TCERG1: variants seen among roughly 807,000 people sequenced by gnomAD.
TCERG1 encodes the protein transcription elongation regulator 1.
In TCERG1, 37 loss-of-function variants were observed where a neutral mutation model predicts 144.7. That is an observed-to-expected ratio of 0.26 (90% CI 0.20 to 0.34). The LOEUF is 0.34. TCERG1 is among the 10% of genes least tolerant of loss of function. The pLI is 1.00. For synonymous variants in TCERG1, 492 were observed against 458.2 expected, an observed-to-expected ratio of 1.07 and a Z score of -0.94; for missense variants, 1,027 against 1,380.7, an observed-to-expected ratio of 0.74 and a Z score of 4.06.
intron 12 of TCERG1, among the ~76,000 whole-genome samples, chr5:146,480,845 AAAAGATATG>A (rs1196523109): frequency 6.6e-6 from 1 of 152,146 alleles, no homozygotes; most frequent in African/African-American, 2.4e-5. Context: ...GCAACAACAT[AAAAGATATG>A]AAAGAATCAC....
At chr5:146,452,670 A>G (rs988930752) in intron 1 of TCERG1, among the ~76,000 whole-genome samples, 2 of 152,046 alleles carry the variant, frequency 1.3e-5, no homozygotes, top group Admixed American at 1.3e-4. Context: ...GCTCACTGCA[A>G]CCTCCACTTC....
chr5:146,447,337 G>A lies in TCERG1; in HGVS notation c.-13G>A, dbSNP rs1186174002. 1 of 1,611,302 alleles carries A rather than the reference G, an allele frequency of 6.2e-7. No individual in the cohort carries two copies. The highest frequency in any genetic ancestry group is 8.5e-7 in the Non-Finnish European group (1 of 1,178,952). ...ACGTCGGGTCGGCGGGTGGATGAACGCGGCCCTCTGTAATGGCGGAGCGTG... is the reference window on the plus strand; with the variant it reads ...ACGTCGGGTCGGCGGGTGGATGAACACGGCCCTCTGTAATGGCGGAGCGTG... On this transcript the variant is annotated 5_prime_UTR_variant, in exon 1 of 23. Transcript: ENST00000679501.
intron 9 of TCERG1, among the ~76,000 whole-genome samples, chr5:146,472,858 T>TA (rs1287269299): frequency 6.6e-6 from 1 of 152,092 alleles, no homozygotes; most frequent in African/African-American, 2.4e-5. Context: ...GGATTATAGT[T>TA]ACACGCCACC....
chr5:146,509,290 T>G (rs1768263799), intron 22 of TCERG1, 45 bp downstream of exon 22: 2 of 1,244,302 alleles, frequency 1.6e-6, no homozygotes, highest in East Asian at 4.7e-5. Context: ...TTCTCTTTAC[T>G]AGTCTTTACT....
At chr5:146,465,716 G>GGAGA (rs1228290999) in intron 5 of TCERG1, among the ~76,000 whole-genome samples, 1 of 152,082 alleles carries the variant, frequency 6.6e-6, no homozygotes, top group Non-Finnish European at 1.5e-5. Flanking sequence ...AGATTTCTTT[G>GGAGA]GAGAGAGTGA....
rs1348050762 is a variant in TCERG1, at chr5:146,511,574, A to G, written c.*932A>G. On this transcript the variant is annotated 3_prime_UTR_variant, in exon 23 of 23. Transcript: ENST00000679501. Reference sequence around the variant, plus strand: ...CTTATTTTAACCTGTTTTTAAAAGCAGCAAATAGAATTTCCCACAAAGTAA... The same window carrying G: ...CTTATTTTAACCTGTTTTTAAAAGCGGCAAATAGAATTTCCCACAAAGTAA... 5.2e-5 allele frequency: 8 copies of G among 152,808 alleles called. No homozygotes were observed. The East Asian group carries it at 1.5e-3, about 29-fold the overall frequency. 9.5% of individuals were successfully genotyped at this position (152,808 alleles called of 1,614,324 possible).
At chr5:146,476,809 G>C (rs971728306) in intron 9 of TCERG1, among the ~76,000 whole-genome samples, 2 of 151,966 alleles carry the variant, frequency 1.3e-5, no homozygotes, top group Non-Finnish European at 2.9e-5. Flanking sequence ...TTTGTGACAG[G>C]GTCTTGCTCT....
chr5:146,448,949 A>G (rs1762130469), intron 1 of TCERG1, among the ~76,000 whole-genome samples: 1 of 152,222 alleles, frequency 6.6e-6, no homozygotes, highest in Non-Finnish European at 1.5e-5. Flanking sequence ...GGCTTTATTA[A>G]TAGTCTAGAC....
Position 146,469,757 on chromosome 5 carries a change from T to G in TCERG1, c.1399+13T>G. On this transcript the variant is annotated intron_variant, in intron 7 of 22. Transcript: ENST00000679501. ...CTAAAGGAAAAAGGTATATAGTGGT[T>G]TTAATGACTTGGAAAGTAGTATAAA... 1 of 1,544,358 alleles carries G rather than the reference T, an allele frequency of 6.5e-7. No individual in the cohort carries two copies.
At chr5:146,469,475 A>T in intron 6 of TCERG1, 69 bp from the exon 7 acceptor site, 1 of 1,286,208 alleles carries the variant, frequency 7.8e-7, no homozygotes, top group Non-Finnish European at 1.1e-6. Flanking sequence ...GATTTAGCTC[A>T]TATTTTAGAG....
chr5:146,503,519 T>C lies in TCERG1; in HGVS notation c.2578T>C (p.Tyr860His), dbSNP rs1248798381. Reference sequence around the variant, plus strand: ...AATGAGAGAAGACCTTTTCAAACAGTACATTGAAAAAATAGCCAAGGTAAC... The same window carrying C: ...AATGAGAGAAGACCTTTTCAAACAGCACATTGAAAAAATAGCCAAGGTAAC... ...SSMREDLFKQ[Y>H]IEKIAKNLDS... Residue 860 changes from tyrosine (Y) to histidine (H), a missense_variant, in exon 18 of 23, where the codon TAC (tyrosine) becomes CAC (histidine). Around this residue, in one of 6 missense-constraint regions of TCERG1, gnomAD observed 482 missense variants for 632.6 expected, o/e 0.76. Coordinates refer to ENST00000679501, the MANE Select transcript of TCERG1 (RefSeq NM_001382548.1). 1 of 1,613,348 alleles carries C rather than the reference T, an allele frequency of 6.2e-7. No homozygotes were observed. Among genetic ancestry groups the C allele is most frequent in the South Asian group, 1.1e-5 (1 of 90,978 alleles).
At chr5:146,489,090 T>C (rs535227464) in intron 15 of TCERG1, among the ~76,000 whole-genome samples, 2 of 152,288 alleles carry the variant, frequency 1.3e-5, no homozygotes, top group East Asian at 3.9e-4. Flanking sequence ...TGTTAAAGGA[T>C]ACATAATTAA....
chr5:146,478,775 A>C lies in TCERG1; in HGVS notation c.1762+122A>C, dbSNP rs548032535. The C allele has an allele frequency of 4.1e-4, 377 of 930,814 alleles. 4 individuals carry two copies. The East Asian group carries it at 9.8e-3, about 24-fold the overall frequency. 57.7% of individuals were successfully genotyped at this position (930,814 alleles called of 1,614,324 possible). A position where few individuals can be genotyped will look rare whatever the true frequency, so the allele number is the denominator to read the frequency against. ...AAGAATATAAGAAGCATTCGAAAAA[A>C]ATAGACTGCTATCCTAGTTTGAATG... On this transcript the variant is annotated intron_variant, in intron 10 of 22. Transcript: ENST00000679501.
chr5:146,462,357 A>G (rs1471377273), intron 4 of TCERG1, among the ~76,000 whole-genome samples: 5 of 152,216 alleles, frequency 3.3e-5, no homozygotes, highest in Non-Finnish European at 5.9e-5. Context: ...TCAAAAAAAG[A>G]TGAAGTATTT....
chr5:146,463,917 G>T, intron 5 of TCERG1, 124 bp downstream of exon 5: 1 of 1,329,994 alleles, frequency 7.5e-7, no homozygotes, highest in Admixed American at 2.2e-5. Context: ...GTTTTTGAAA[G>T]ATTCATGGCT....
Position 146,510,832 on chromosome 5 carries a change from G to A in TCERG1, c.*190G>A. The A allele has an allele frequency of 4.1e-6, 2 of 488,196 alleles. No individual in the cohort carries two copies. The highest frequency in any genetic ancestry group is 7.1e-6 in the Non-Finnish European group (2 of 283,688). The allele number at this position is 488,196 out of a possible 1,614,324, so 30.2% of individuals were successfully genotyped here. On this transcript the variant is annotated 3_prime_UTR_variant, in exon 23 of 23. Transcript: ENST00000679501. ...ATGCTTTTCTTTGTGTGGCATGACT[G>A]ACATACATACTCAAATATAGGCTGT...
Position 146,482,670 on chromosome 5 carries a change from C to T in TCERG1, c.2016C>T (p.Ala672=), listed in dbSNP as rs369925644. The T allele has an allele frequency of 3.1e-6, 5 of 1,613,178 alleles. No homozygotes were observed. Among genetic ancestry groups the T allele is most frequent in the African/African-American group, 1.3e-5 (1 of 74,944 alleles). ...AAATTAAAGCTGCCCGAGAAAGGGC[C>T]ATTGTCCCTCTGGAGGCTCGAATGA... ...EAEIKAARER[A]IVPLEARMKQ... Residue 672 remains alanine, a synonymous_variant, in exon 14 of 23, where the codon GCC becomes GCT. Coordinates refer to ENST00000679501, the MANE Select transcript of TCERG1 (RefSeq NM_001382548.1).
At chr5:146,510,008 G>A in intron 22 of TCERG1, 3 of 1,268,026 alleles carry the variant, frequency 2.4e-6, no homozygotes, top group Non-Finnish European at 3.1e-6. Flanking sequence ...TTAATGTTTT[G>A]CATCAGCTTG....
intron 1 of TCERG1, among the ~76,000 whole-genome samples, chr5:146,452,738 C>T (rs1263091668): frequency 1.3e-5 from 2 of 152,128 alleles, no homozygotes; most frequent in Non-Finnish European, 2.9e-5. Context: ...TACAGGCGTG[C>T]ACCACCATGC....
Sources: allele counts gnomAD v4.1 joint callset (sites outside exome capture counted in the v4.1 genomes callset), GRCh38; gene constraint gnomAD v4.1.1; regional missense constraint gnomAD v4.1.1; transcripts MANE v1.5; gene names NCBI Gene and HGNC (gene_info 2026-07-23, HGNC 2026-07-21).